Variants in CCDC38 observed in about 807,000 individuals in gnomAD.
CCDC38 encodes the protein coiled-coil domain-containing protein 38.
CCDC38 carries 69 observed loss-of-function variants against 72.8 expected under a neutral mutation model. The observed-to-expected ratio is 0.95, with a 90% CI of 0.78 to 1.16. The LOEUF is 1.16. Ranked by LOEUF, CCDC38 falls within the 50% of genes most tolerant of loss-of-function variation. The pLI, the probability that CCDC38 is intolerant of heterozygous loss-of-function variation, is 0.00. For synonymous variants in CCDC38, 201 were observed against 213.2 expected (o/e 0.94, Z 0.50); for missense variants, 626 against 638.9 (o/e 0.98, Z 0.22).
At chr12:95,932,630 T>C (rs1478883516) in intron 2 of CCDC38, among the ~76,000 whole-genome samples, 1 of 152,122 alleles carries the variant, frequency 6.6e-6, no homozygotes, top group Non-Finnish European at 1.5e-5. Flanking sequence ...TTAAAGTAGA[T>C]CTAAATTAAT....
At chr12:95,874,288 G>A (rs948706062) in intron 13 of CCDC38, among the ~76,000 whole-genome samples, 3 of 152,152 alleles carry the variant, frequency 2.0e-5, no homozygotes, top group African/African-American at 7.2e-5. Flanking sequence ...AGATGAGAGT[G>A]GTTGCTAGTT....
chr12:95,885,399 T>TA (rs1359939132), intron 10 of CCDC38: 1 of 168,902 alleles, frequency 5.9e-6, no homozygotes, highest in Non-Finnish European at 1.3e-5. Context: ...GGCCCTTTGA[T>TA]AACAACTCAG....
rs775717099 is a variant in CCDC38 at position 95,891,084 on chromosome 12, C to T, written c.773-154G>A. On this transcript the variant is annotated intron_variant, in intron 8 of 15. Transcript: ENST00000344280. ...GTTGGAGACATTATCAACCAGCAAA[C>T]GTGATATGCAGATAGTAATATGCAA... Among the ~76,000 whole-genome samples, 13 of 152,144 alleles carry T rather than the reference C, an allele frequency of 8.5e-5. No individual in the cohort carries two copies. In the South Asian group the frequency reaches 1.4e-3, roughly 17 times the overall value.
intron 10 of CCDC38, among the ~76,000 whole-genome samples, chr12:95,881,823 G>T (rs1052028514): frequency 3.3e-5 from 5 of 152,194 alleles, no homozygotes; most frequent in African/African-American, 9.6e-5. Context: ...CCAATTATTT[G>T]AGGTGCATCT....
chr12:95,889,216 G>C lies in CCDC38; in HGVS notation c.872-710C>G, dbSNP rs146314385. ...CTAGAGACGGGGTTTCACCATGGTG[G>C]CCAGGCTGATGTCGAACTCCTGACC... is the stretch of plus-strand genomic sequence containing the variant. On this transcript the variant is annotated intron_variant, in intron 9 of 15. Transcript: ENST00000344280. The C allele has an allele frequency of 5.7e-3, 897 of 156,350 alleles. 4 individuals carry two copies. Among genetic ancestry groups the C allele is most frequent in the Middle Eastern group, 0.023 (7 of 306 alleles). The allele number at this position is 156,350 out of a possible 1,614,324, so 9.7% of individuals were successfully genotyped here.
rs766059712 is a variant in CCDC38 at position 95,898,367 on chromosome 12, G to A, written c.614+18C>T. 1 of 1,613,230 alleles carries A rather than the reference G, an allele frequency of 6.2e-7. No individual in the cohort carries two copies. Among genetic ancestry groups the A allele is most frequent in the East Asian group, 2.2e-5 (1 of 44,876 alleles). Reference sequence around the variant, plus strand: ...GGTCGTGGAAATTTGGCCACGAGAAGATTGTGCCCACCCTCACCTTTTCAC... The same window carrying A: ...GGTCGTGGAAATTTGGCCACGAGAAAATTGTGCCCACCCTCACCTTTTCAC... On this transcript the variant is annotated intron_variant, in intron 7 of 15. Transcript: ENST00000344280.
At chr12:95,886,843 G>T (rs2079765274) in intron 10 of CCDC38, among the ~76,000 whole-genome samples, 1 of 152,346 alleles carries the variant, frequency 6.6e-6, no homozygotes, top group South Asian at 2.1e-4. Context: ...TAGTGGGAAT[G>T]TAAAGTGACA....
chr12:95,922,749 A>G (rs2080223071), intron 2 of CCDC38, among the ~76,000 whole-genome samples: 1 of 152,216 alleles, frequency 6.6e-6, no homozygotes, highest in African/African-American at 2.4e-5. Context: ...GGGTGGGTCC[A>G]GGCAGCTAGA....
At chr12:95,889,210 A>T (rs758666078) in intron 9 of CCDC38, 8 of 156,902 alleles carry the variant, frequency 5.1e-5, no homozygotes, top group Non-Finnish European at 9.8e-5. Context: ...GGGTTTCACC[A>T]TGGTGGCCAG....
In CCDC38 at chr12:95,895,101, A is replaced by G. The variant is rs2079871801; in HGVS notation, c.660T>C (p.Tyr220=). The change falls in exon 8 of 16, where the codon TAT becomes TAC. Residue 220 remains tyrosine (Y), a synonymous_variant. Transcript: ENST00000344280. ...GAGACATTTGCAGCAGAAAAAAACC[A>G]TATTTCATATACTCCCTGAGGAGGA... ...TEFLLREYMK[Y]GFFLLQMSPK... is the part of the protein sequence containing the mutation. 4 of 1,612,262 alleles carry G rather than the reference A, an allele frequency of 2.5e-6. No individual in the cohort carries two copies. Among genetic ancestry groups the G allele is most frequent in the Non-Finnish European group, 3.4e-6 (4 of 1,179,482 alleles).
At chr12:95,904,960 A>T (rs1221904203) in intron 5 of CCDC38, among the ~76,000 whole-genome samples, 1 of 152,212 alleles carries the variant, frequency 6.6e-6, no homozygotes, top group African/African-American at 2.4e-5. Flanking sequence ...CCTTGGCATC[A>T]ACAGGAGATT....
rs2079869857 is a variant in CCDC38, at chr12:95,894,982, A to G, written c.772+7T>C. ...TAGTTCATGAAAGTTGAGTATAAGT[A>G]ACTTACTTGCTAATATTTTTGGAAG... On this transcript the variant is annotated splice_region_variant and intron_variant, in intron 8 of 15. Transcript: ENST00000344280. 1.9e-6 allele frequency: 3 copies of G among 1,601,430 alleles called. No individual in the cohort carries two copies. The Admixed American group carries it at 5.2e-5, about 28-fold the overall frequency.
At chr12:95,910,565 C>A (rs542748606) in intron 4 of CCDC38, among the ~76,000 whole-genome samples, 1 of 152,254 alleles carries the variant, frequency 6.6e-6, no homozygotes, top group African/African-American at 2.4e-5. Context: ...TAGAAAAAAA[C>A]TATTCTAGAA....
At chr12:95,932,082 A>G (rs999308447) in intron 2 of CCDC38, among the ~76,000 whole-genome samples, 3 of 152,136 alleles carry the variant, frequency 2.0e-5, no homozygotes, top group Non-Finnish European at 4.4e-5. Context: ...GACTTTGGCA[A>G]TGACCCTCAG....
chr12:95,939,925 C>G (rs1237568308), intron 1 of CCDC38, among the ~76,000 whole-genome samples: 1 of 152,140 alleles, frequency 6.6e-6, no homozygotes, highest in Non-Finnish European at 1.5e-5. Context: ...CTGCCTCTGA[C>G]TCTTATCCAC....
rs1177453133 is a variant in CCDC38, at chr12:95,904,229, A to T, written c.369+2158T>A. Among the ~76,000 whole-genome samples the T allele has an allele frequency of 2.0e-5, 3 of 152,310 alleles. No homozygotes were observed. The South Asian group carries it at 6.2e-4, about 32-fold the overall frequency. ...TTTTAAATGGGTATTTCATGTCCCA[A>T]CTCTGCTATAAATAAAAAAATAAAG... On this transcript the variant is annotated intron_variant, in intron 5 of 15. Transcript: ENST00000344280.
At chr12:95,914,492 A>AC (rs1462760460) in intron 4 of CCDC38, among the ~76,000 whole-genome samples, 1 of 152,184 alleles carries the variant, frequency 6.6e-6, no homozygotes, top group East Asian at 1.9e-4. Flanking sequence ...TGTCTCCGTC[A>AC]CTGGAGTATT....
chr12:95,931,288 T>C (rs1465561290), intron 2 of CCDC38, among the ~76,000 whole-genome samples: 1 of 152,226 alleles, frequency 6.6e-6, no homozygotes, highest in Non-Finnish European at 1.5e-5. Context: ...ACTTCCATTG[T>C]CACATCACCT....
intron 10 of CCDC38, among the ~76,000 whole-genome samples, chr12:95,886,058 A>AAAC (rs1565946438): frequency 1.3e-5 from 2 of 151,454 alleles, no homozygotes; most frequent in African/African-American, 4.9e-5. Flanking sequence ...GCCTATACTA[A>AAAC]AAACAAACAA....
Sources: allele counts gnomAD v4.1 joint callset (sites outside exome capture counted in the v4.1 genomes callset), GRCh38; gene constraint gnomAD v4.1.1; transcripts MANE v1.5; gene names NCBI Gene and HGNC (gene_info 2026-07-23, HGNC 2026-07-21).